The following G2E3 variants were observed in gnomAD, a reference collection of about 807,000 sequenced individuals.
G2E3 encodes the protein G2/M phase-specific E3 ubiquitin-protein ligase.
Under a neutral mutation model 92.8 loss-of-function variants are expected in G2E3, and 35 were observed. The ratio of observed to expected loss-of-function variants is 0.38; its 90% CI spans 0.29 to 0.50. The LOEUF is 0.50. Among genes scored for constraint, G2E3 ranks in the 20% least tolerant of loss-of-function variants. The pLI, the probability that G2E3 is intolerant of heterozygous loss-of-function variation, is 0.94. For missense variants in G2E3, 554 were observed against 823.8 expected (o/e 0.67, Z 4.01); for synonymous variants, 242 against 272.4 (o/e 0.89, Z 1.10).
chr14:30,598,279 G>A (rs1881387949), intron 7 of G2E3: 19 of 414,424 alleles, frequency 4.6e-5, no homozygotes, highest in South Asian at 4.4e-4. Flanking sequence ...CCAGCTACTT[G>A]GGAGGCTGAG....
At chr14:30,572,080 T>A (rs570849348) in intron 1 of G2E3, among the ~76,000 whole-genome samples, 1 of 152,138 alleles carries the variant, frequency 6.6e-6, no homozygotes, top group Non-Finnish European at 1.5e-5. Flanking sequence ...GTTTTGTAGC[T>A]TTTCAGAGTG....
intron 1 of G2E3, among the ~76,000 whole-genome samples, chr14:30,578,077 C>T (rs1880220000): frequency 6.6e-6 from 1 of 151,946 alleles, no homozygotes. Flanking sequence ...TGAAATTCAA[C>T]TGAAATATGT....
chr14:30,583,419 G>A lies in G2E3; in HGVS notation c.37+2303G>A, dbSNP rs116972848. 1.1e-3 allele frequency among the ~76,000 whole-genome samples: 160 copies of A among 152,258 alleles called. 1 individual carries two copies. The highest frequency in any genetic ancestry group is 2.0e-3 in the Non-Finnish European group (134 of 68,010). On this transcript the variant is annotated intron_variant, in intron 2 of 14. Transcript: ENST00000206595. Reference sequence around the variant, plus strand: ...GAGTCATAAAGCACTAGTGAAGTAAGCTAGTCATGGAAAGACAATACTGCA... The same window carrying A: ...GAGTCATAAAGCACTAGTGAAGTAAACTAGTCATGGAAAGACAATACTGCA...
At chr14:30,584,702 C>T (rs1880609239) in intron 2 of G2E3, among the ~76,000 whole-genome samples, 1 of 151,190 alleles carries the variant, frequency 6.6e-6, no homozygotes, top group Non-Finnish European at 1.5e-5. Flanking sequence ...AATGTCTATT[C>T]AAATCTAGTG....
chr14:30,598,547 G>A lies in G2E3; in HGVS notation c.700G>A (p.Asp234Asn), dbSNP rs1052980844. The change falls in exon 8 of 15, where the codon GAT becomes AAT. Residue 234 changes from aspartate to asparagine, a missense_variant. Asp to Asn is a conservative substitution (Grantham distance 23). Coordinates refer to ENST00000206595, the MANE Select transcript of G2E3 (RefSeq NM_017769.5). Reference sequence around the variant, plus strand: ...GCTTCTGCAGCACTATGAGCGTTGTGATGTTCGAAGATGTCGTTGCAAAGA... The same window carrying A: ...GCTTCTGCAGCACTATGAGCGTTGTAATGTTCGAAGATGTCGTTGCAAAGA... Reference protein sequence around the residue: ...QELLQHYERCDVRRCRCKEGR... With the variant: ...QELLQHYERCNVRRCRCKEGR... 1.2e-6 allele frequency: 2 copies of A among 1,613,910 alleles called. No individual in the cohort carries two copies. The highest frequency in any genetic ancestry group is 1.7e-6 in the Non-Finnish European group (2 of 1,179,750).
chr14:30,571,014 A>G (rs1879728991), intron 1 of G2E3, among the ~76,000 whole-genome samples: 1 of 152,078 alleles, frequency 6.6e-6, no homozygotes, highest in South Asian at 2.1e-4. Flanking sequence ...TGCTGTCAGT[A>G]TTGTATCTAA....
chr14:30,598,985 A>G (rs768412758), intron 8 of G2E3, among the ~76,000 whole-genome samples: 4 of 152,140 alleles, frequency 2.6e-5, no homozygotes, highest in Non-Finnish European at 4.4e-5. Context: ...GTGGCTTAAA[A>G]TAAATTTATT....
At chr14:30,560,250 A>G (rs1566518532) in intron 1 of G2E3, 1 of 152,626 alleles carries the variant, frequency 6.6e-6, no homozygotes, top group Non-Finnish European at 1.5e-5. Flanking sequence ...AAATGTGTAC[A>G]AGTTTTACAT....
intron 3 of G2E3, 131 bp downstream of exon 3, chr14:30,586,946 A>G (rs942456122): frequency 2.5e-6 from 1 of 402,408 alleles, no homozygotes; most frequent in Non-Finnish European, 4.5e-6. Flanking sequence ...ATCTCTAAAA[A>G]TAGACATTTT....
At chr14:30,579,754 T>C (rs1473639422) in intron 1 of G2E3, among the ~76,000 whole-genome samples, 1 of 152,238 alleles carries the variant, frequency 6.6e-6, no homozygotes, top group African/African-American at 2.4e-5. Flanking sequence ...CTCCTTGACC[T>C]TGGACAGGTG....
chr14:30,581,311 G>A (rs229200), intron 2 of G2E3, among the ~76,000 whole-genome samples, 195 bp downstream of exon 2: 74,310 of 152,032 alleles, frequency 0.49, 21,157 homozygotes, highest in African/African-American at 0.79. Flanking sequence ...TTTTATATTT[G>A]TTTTATGTAT....
chr14:30,563,995 A>G (rs1490247034), intron 1 of G2E3, among the ~76,000 whole-genome samples: 2 of 152,204 alleles, frequency 1.3e-5, no homozygotes, highest in Non-Finnish European at 2.9e-5. Context: ...CTGGGATTAC[A>G]GGCGTGAGCC....
chr14:30,597,847 G>T (rs547542321), intron 7 of G2E3, among the ~76,000 whole-genome samples: 2 of 152,204 alleles, frequency 1.3e-5, no homozygotes, highest in South Asian at 4.1e-4. Context: ...AAATATGTAA[G>T]AATTTTTTTA....
intron 4 of G2E3, chr14:30,590,458 A>G (rs1375235735): frequency 3.1e-6 from 1 of 323,718 alleles, no homozygotes; most frequent in East Asian, 7.8e-5. Context: ...GGCCTATAAT[A>G]TTCAACAGAG....
chr14:30,597,889 ATAG>A (rs1484687858), intron 7 of G2E3, among the ~76,000 whole-genome samples: 3 of 152,252 alleles, frequency 2.0e-5, no homozygotes, highest in African/African-American at 7.2e-5. Flanking sequence ...AGAAATAATG[ATAG>A]TGAACTTAAA....
Position 30,588,667 on chromosome 14 carries a change from G to A in G2E3, c.136-716G>A, listed in dbSNP as rs1880848729. Among the ~76,000 whole-genome samples, 3 of 152,144 alleles carry A rather than the reference G, an allele frequency of 2.0e-5. No homozygotes were observed. The South Asian group carries it at 6.2e-4, about 32-fold the overall frequency. On this transcript the variant is annotated intron_variant, in intron 3 of 14. Transcript: ENST00000206595. Reference sequence around the variant, plus strand: ...AGAGACTTAGATATAGTCTAATCCAGTGTTTTTATTTTCATGTTTAAGGTT... The same window carrying A: ...AGAGACTTAGATATAGTCTAATCCAATGTTTTTATTTTCATGTTTAAGGTT...
At chr14:30,599,350 C>A (rs1175018670) in intron 8 of G2E3, among the ~76,000 whole-genome samples, 1 of 152,200 alleles carries the variant, frequency 6.6e-6, no homozygotes, top group Non-Finnish European at 1.5e-5. Context: ...GCCTCAGCCT[C>A]CCGAGTAGTT....
chr14:30,591,413 A>G (rs187189754), intron 4 of G2E3, among the ~76,000 whole-genome samples: 14 of 152,306 alleles, frequency 9.2e-5, no homozygotes, highest in African/African-American at 3.4e-4. Context: ...CACTGGTAGT[A>G]TATTCATTTC....
chr14:30,563,283 A>C (rs1295983077), intron 1 of G2E3, among the ~76,000 whole-genome samples: 1 of 152,146 alleles, frequency 6.6e-6, no homozygotes, highest in Non-Finnish European at 1.5e-5. Context: ...ACAGTTGCCT[A>C]ATCTTGCCCA....
Sources: gnomAD v4.1 joint callset for allele counts (sites outside exome capture counted in the v4.1 genomes callset) on GRCh38, gnomAD v4.1.1 for gene constraint, MANE v1.5 for transcripts, NCBI Gene and HGNC (gene_info 2026-07-23, HGNC 2026-07-21) for gene names.